Variants in PLEKHG4B observed in about 807,000 individuals in gnomAD.
PLEKHG4B encodes pleckstrin homology domain-containing family G member 4B.
Under a neutral mutation model 121.3 loss-of-function variants are expected in PLEKHG4B, and 111 were observed. The ratio of observed to expected loss-of-function variants is 0.92; its 90% confidence interval spans 0.78 to 1.07. The LOEUF is 1.07. Among genes scored for constraint, PLEKHG4B ranks in the 50% least tolerant of loss-of-function variants. The pLI is 0.00. For synonymous variants in PLEKHG4B, 738 were observed against 725.0 expected, an observed-to-expected ratio of 1.02 and a Z score of -0.29; for missense variants, 1,831 against 1,757.8, an observed-to-expected ratio of 1.04 and a Z score of -0.74.
chr5:130,392 C>G (rs549170156), intron 2 of PLEKHG4B, among the ~76,000 whole-genome samples: 1 of 151,966 alleles, frequency 6.6e-6, no homozygotes, highest in East Asian at 1.9e-4. Context: ...AATATTAAAC[C>G]AAAAAAGGAG....
chr5:164,459 AGTAATGTTGTGACGGAG>A (rs1560944445), intron 13 of PLEKHG4B, among the ~76,000 whole-genome samples: 32 of 127,028 alleles, frequency 2.5e-4, no homozygotes, highest in African/African-American at 1.3e-3. Flanking sequence ...CGGGGCTCAC[AGTAATGTTGTGACGGAG>A]CAGAGCTCAC....
In PLEKHG4B at chr5:140,218, C is replaced by T; in HGVS notation, c.979C>T (p.His327Tyr). 7.3e-7 allele frequency: 1 copy of T among 1,366,240 alleles called. No individual in the cohort carries two copies. The highest frequency in any genetic ancestry group is 1.5e-5 in the South Asian group (1 of 66,110). The allele number at this position is 1,366,240 out of a possible 1,614,324, so 84.6% of individuals were successfully genotyped here. A position where few individuals can be genotyped will look rare whatever the true frequency, so the allele number is the denominator to read the frequency against. Reference sequence around the variant, plus strand: ...GGACAGACCCAAGGCCCTCACCTTCCACACAGACCTGGGCATCCCGAGCAG... The same window carrying T: ...GGACAGACCCAAGGCCCTCACCTTCTACACAGACCTGGGCATCCCGAGCAG... ...QEDRPKALTF[H>Y]TDLGIPSSRR... The change falls in exon 3 of 20, where the codon CAC becomes TAC. Residue 327 changes from histidine (H) to tyrosine (Y), a missense_variant. Transcript: ENST00000637938.
intron 11 of PLEKHG4B, among the ~76,000 whole-genome samples, chr5:161,307 A>G (rs2126433945): frequency 6.6e-6 from 1 of 152,376 alleles, no homozygotes; most frequent in East Asian, 1.9e-4. Flanking sequence ...TGCTTACCAT[A>G]TTAACCAGTT....
chr5:131,992 C>T (rs1188017156), intron 2 of PLEKHG4B, among the ~76,000 whole-genome samples: 1 of 151,894 alleles, frequency 6.6e-6, no homozygotes, highest in Non-Finnish European at 1.5e-5. Flanking sequence ...AAACAAAATA[C>T]CCTAGGAATA....
intron 3 of PLEKHG4B, among the ~76,000 whole-genome samples, chr5:142,283 A>G (rs894767188): frequency 3.3e-5 from 5 of 152,076 alleles, no homozygotes; most frequent in African/African-American, 4.8e-5. Context: ...GACACACACA[A>G]TCTTGCAGCA....
At chr5:125,051 T>C (rs934482441) in intron 2 of PLEKHG4B, among the ~76,000 whole-genome samples, 31 of 152,296 alleles carry the variant, frequency 2.0e-4, no homozygotes, top group African/African-American at 7.2e-4. Context: ...GAGAATCCCT[T>C]GAACCCAGGA....
At position 188,526 on chromosome 5, in the gene PLEKHG4B, G is replaced by A. The variant is rs909184165; in HGVS notation, c.*6203G>A. ...GTGGGTTCTGTGTGCCTGTGACATA[G>A]AGAATGTTTTCCACACCGCGTGTGA... On this transcript the variant is annotated 3_prime_UTR_variant, in exon 20 of 20. Coordinates refer to ENST00000637938, the MANE Select transcript of PLEKHG4B (RefSeq NM_052909.5). 2.0e-5 allele frequency: 3 copies of A among 152,294 alleles called. No individual in the cohort carries two copies. The highest frequency in any genetic ancestry group is 1.3e-4 in the Admixed American group (2 of 15,290). The allele number at this position is 152,294 out of a possible 1,614,324, so 9.4% of individuals were successfully genotyped here.
chr5:103,224 G>A (rs12657766), intron 1 of PLEKHG4B, among the ~76,000 whole-genome samples: 1 of 152,188 alleles, frequency 6.6e-6, no homozygotes, highest in East Asian at 1.9e-4. Context: ...CCCACCAGGT[G>A]CATCCTGTGA....
chr5:104,936 G>A (rs80230293), intron 1 of PLEKHG4B, among the ~76,000 whole-genome samples: 2 of 150,996 alleles, frequency 1.3e-5, no homozygotes, highest in African/African-American at 4.9e-5. Flanking sequence ...CACTGCACAG[G>A]GGGTGAGGGC....
In PLEKHG4B at chr5:163,320, C is replaced by T. The variant is rs369612263; in HGVS notation, c.3248C>T (p.Thr1083Met). ...CCCCAGAAGAAAATGATAAAGAAAA[C>T]GCAAAGTTTCGAGATACCTCAGCCC... ...KHPQKKMIKK[T>M]QSFEIPQPDS... is the part of the protein sequence containing the mutation. The change falls in exon 13 of 20, where the codon ACG (threonine) becomes ATG (methionine). Residue 1083 changes from threonine (T) to methionine (M), a missense_variant. By Grantham distance (81) the Thr-to-Met change is moderately conservative (BLOSUM62 -1). Transcript: ENST00000637938. The T allele has an allele frequency of 4.4e-5, 71 of 1,613,312 alleles. No homozygotes were observed. Among genetic ancestry groups the T allele is most frequent in the African/African-American group, 9.3e-5 (7 of 74,944 alleles).
At chr5:121,412 A>G (rs1438410339) in intron 2 of PLEKHG4B, among the ~76,000 whole-genome samples, 1 of 152,214 alleles carries the variant, frequency 6.6e-6, no homozygotes, top group Non-Finnish European at 1.5e-5. Flanking sequence ...CACAGAGAGA[A>G]AGGAGAATGA....
chr5:152,014 TC>T (rs781171609), intron 7 of PLEKHG4B, among the ~76,000 whole-genome samples: 3 of 152,234 alleles, frequency 2.0e-5, no homozygotes, highest in Non-Finnish European at 4.4e-5. Context: ...TCATCATAAT[TC>T]AGATCATTGT....
Position 163,423 on chromosome 5 carries a change from A to G in PLEKHG4B, c.3351A>G (p.Val1117=). Residue 1117 remains valine, a synonymous_variant, in exon 13 of 20, where the codon GTA becomes GTG. Coordinates refer to ENST00000637938, the MANE Select transcript of PLEKHG4B (RefSeq NM_052909.5). ...FSKGLEVTST[V]ATEKKLPLWQ... is the part of the protein sequence containing the mutation. ...AGGGCCTGGAGGTAACCAGCACTGT[A>G]GCCACAGAGAAGAAGCTCCCGCTGT... is the stretch of plus-strand genomic sequence containing the variant. 9.9e-6 allele frequency: 16 copies of G among 1,613,040 alleles called. No individual in the cohort carries two copies. The highest frequency in any genetic ancestry group is 1.4e-5 in the Non-Finnish European group (16 of 1,180,044).
intron 1 of PLEKHG4B, among the ~76,000 whole-genome samples, chr5:101,845 T>C (rs1733826556): frequency 4.4e-5 from 4 of 90,682 alleles, no homozygotes; most frequent in African/African-American, 7.1e-5. Flanking sequence ...GGAGAGACTG[T>C]TGTGAGGTTA....
rs534336026 is a variant in PLEKHG4B at position 156,164 on chromosome 5, G to T, written c.2302G>T (p.Val768Phe). 7 of 1,587,218 alleles carry T rather than the reference G, an allele frequency of 4.4e-6. No individual in the cohort carries two copies. The highest frequency in any genetic ancestry group is 6.0e-6 in the Non-Finnish European group (7 of 1,167,210). ...GTCTCTCAGGCTGGAGGGGGGCACC[G>T]TCCTGGCGCGGCTGAGGAGAGAAGA... ...LVSLRLEGGT[V>F]LARLRREELG... The change falls in exon 10 of 20, where the codon GTC becomes TTC. Residue 768 changes from valine to phenylalanine, a missense_variant. Physicochemically the swap from Val to Phe is conservative, Grantham distance 50 (BLOSUM62 -1). Coordinates refer to ENST00000637938, the MANE Select transcript of PLEKHG4B (RefSeq NM_052909.5). This position sits in a 1 kb window ranked among gnomAD's most constrained non-coding sequence, Gnocchi z 4.4.
intron 11 of PLEKHG4B, 108 bp from the exon 12 acceptor site, chr5:161,675 G>A (rs1461264744): frequency 2.6e-5 from 37 of 1,441,784 alleles, no homozygotes; most frequent in Middle Eastern, 1.8e-4. Flanking sequence ...CAGCACTGTG[G>A]GCCGTCCGAG....
intron 1 of PLEKHG4B, among the ~76,000 whole-genome samples, chr5:112,849 C>G (rs1291489439): frequency 6.6e-6 from 1 of 152,170 alleles, no homozygotes; most frequent in Non-Finnish European, 1.5e-5. Flanking sequence ...AGGAGCAGCT[C>G]CCGCAGGACT....
At chr5:130,745 C>T (rs1174663956) in intron 2 of PLEKHG4B, among the ~76,000 whole-genome samples, 3 of 152,142 alleles carry the variant, frequency 2.0e-5, no homozygotes, top group African/African-American at 4.8e-5. Flanking sequence ...TTGAGTGCAC[C>T]GCTTAGAGAA....
rs957043021 is a variant in PLEKHG4B, at chr5:139,077, A to G, written c.244-406A>G. ...GGGAGTGCAGAGGAGGGAGCCCCCCATAGGGTGGCCCTGACCAGGGCTGGC... is the reference window on the plus strand; with the variant it reads ...GGGAGTGCAGAGGAGGGAGCCCCCCGTAGGGTGGCCCTGACCAGGGCTGGC... On this transcript the variant is annotated intron_variant, in intron 2 of 19. Transcript: ENST00000637938. The surrounding 1 kb of genome is among the most constrained non-coding windows in gnomAD (Gnocchi z 5.0). Among the ~76,000 whole-genome samples, 4 of 152,138 alleles carry G rather than the reference A, an allele frequency of 2.6e-5. No individual in the cohort carries two copies. The highest frequency in any genetic ancestry group is 5.9e-5 in the Non-Finnish European group (4 of 68,000).
Sources: gnomAD v4.1 joint callset for allele counts (sites outside exome capture counted in the v4.1 genomes callset) on GRCh38, gnomAD v4.1.1 for gene constraint, Gnocchi (gnomAD v3.1) non-coding constraint, MANE v1.5 for transcripts, NCBI Gene and HGNC (gene_info 2026-07-23, HGNC 2026-07-21) for gene names.